MSI2: variants seen among roughly 807,000 people sequenced by gnomAD.
MSI2 encodes musashi RNA binding protein 2.
A neutral mutation model predicts 45.6 loss-of-function variants in MSI2; 17 were observed. The ratio of observed to expected loss-of-function variants is 0.37; its 90% CI spans 0.26 to 0.56. The LOEUF (loss-of-function observed/expected upper bound fraction) is 0.56, where lower values mean the gene tolerates loss of function less well. Ranked by LOEUF, MSI2 falls within the 20% of genes least tolerant of loss-of-function variation. The probability of loss-of-function intolerance (pLI) is 0.77; values close to 1 mark genes in which losing one functional copy is unlikely to be tolerated. For missense variants in MSI2, 293 were observed against 444.2 expected (o/e 0.66, Z 3.06); for synonymous variants, 156 against 158.2 (o/e 0.99, Z 0.11).
At chr17:57,465,597 T>C (rs879587352) in intron 6 of MSI2, among the ~76,000 whole-genome samples, 3 of 152,212 alleles carry the variant, frequency 2.0e-5, no homozygotes, top group African/African-American at 4.8e-5. Flanking sequence ...ATTATGCTAA[T>C]AGTTCTATGT....
At chr17:57,389,411 C>T (rs752442734) in intron 5 of MSI2, among the ~76,000 whole-genome samples, 10 of 152,172 alleles carry the variant, frequency 6.6e-5, no homozygotes, top group Non-Finnish European at 1.0e-4. Flanking sequence ...TCTTTTGGGA[C>T]CACTAACAGT....
intron 6 of MSI2, among the ~76,000 whole-genome samples, chr17:57,505,737 C>T (rs888515085): frequency 1.9e-4 from 29 of 151,262 alleles, no homozygotes; most frequent in Admixed American, 1.8e-3. Context: ...GGGGGTGCGG[C>T]GGGGGGTTGT....
intron 10 of MSI2, among the ~76,000 whole-genome samples, chr17:57,634,854 C>G (rs759432063): frequency 6.6e-6 from 1 of 152,220 alleles, no homozygotes; most frequent in African/African-American, 2.4e-5. Flanking sequence ...GAAGGCTGCT[C>G]AAACTCCAGC....
intron 7 of MSI2, among the ~76,000 whole-genome samples, chr17:57,568,460 C>T (rs1046010004): frequency 9.2e-5 from 14 of 152,162 alleles, no homozygotes; most frequent in African/African-American, 2.9e-4. Context: ...CAAAGACTCT[C>T]GTGCCTCTAG....
At chr17:57,287,088 A>G (rs1909964050) in intron 5 of MSI2, among the ~76,000 whole-genome samples, 1 of 150,556 alleles carries the variant, frequency 6.6e-6, no homozygotes, top group South Asian at 2.1e-4. Context: ...CTCCATATTT[A>G]TCATCTCTAT....
intron 5 of MSI2, among the ~76,000 whole-genome samples, chr17:57,352,382 A>T (rs1417846674): frequency 6.6e-6 from 1 of 152,068 alleles, no homozygotes; most frequent in Non-Finnish European, 1.5e-5. Context: ...TGAATAGAGG[A>T]CTCGATGTTT....
intron 5 of MSI2, chr17:57,265,680 A>G (rs570470974): frequency 1.7e-4 from 26 of 152,322 alleles, no homozygotes; most frequent in Admixed American, 8.5e-4. Flanking sequence ...TTAGTGAGGT[A>G]TATTTTGATC....
intron 5 of MSI2, chr17:57,268,242 C>T (rs1285358708): frequency 6.6e-6 from 1 of 152,202 alleles, no homozygotes; most frequent in Middle Eastern, 3.2e-3. Context: ...GAGAATATGA[C>T]AAAGTTCCTG....
intron 6 of MSI2, among the ~76,000 whole-genome samples, chr17:57,468,178 C>G (rs2085363808): frequency 6.6e-6 from 1 of 151,828 alleles, no homozygotes; most frequent in Non-Finnish European, 1.5e-5. Flanking sequence ...GAAAGAGTCT[C>G]TACTTAAGGG....
At chr17:57,263,697 T>G (rs533421826) in intron 5 of MSI2, 1 of 152,222 alleles carries the variant, frequency 6.6e-6, no homozygotes, top group African/African-American at 2.4e-5. Context: ...CTTCCTTAAC[T>G]TTGTTTTTAA....
At chr17:57,419,198 T>G (rs2084350309) in intron 6 of MSI2, among the ~76,000 whole-genome samples, 1 of 151,920 alleles carries the variant, frequency 6.6e-6, no homozygotes. Context: ...TTTTTTTTTT[T>G]TTAAATAGAG....
intron 11 of MSI2, 39 bp from the exon 12 acceptor site, chr17:57,674,933 G>C (rs777512346): frequency 6.2e-7 from 1 of 1,611,232 alleles, no homozygotes; most frequent in South Asian, 1.1e-5. Context: ...AATAGCTACA[G>C]TGCTCAACCG....
chr17:57,580,948 A>C (rs961673995), intron 7 of MSI2, among the ~76,000 whole-genome samples: 16 of 151,166 alleles, frequency 1.1e-4, no homozygotes. Flanking sequence ...GTGCAGGCAT[A>C]ACCAGAACTA....
At chr17:57,575,209 A>G (rs1598414166) in intron 7 of MSI2, among the ~76,000 whole-genome samples, 1 of 98,354 alleles carries the variant, frequency 1.0e-5, no homozygotes, top group South Asian at 3.4e-4. Context: ...CATCCCCTCC[A>G]CAAGCAGCCC....
chr17:57,512,277 T>C (rs1179332391), intron 6 of MSI2, among the ~76,000 whole-genome samples: 1 of 152,190 alleles, frequency 6.6e-6, no homozygotes, highest in Non-Finnish European at 1.5e-5. Context: ...ATTTTTTTTT[T>C]CAAATGAATG....
At chr17:57,377,918 A>G (rs1292204660) in intron 5 of MSI2, among the ~76,000 whole-genome samples, 1 of 152,062 alleles carries the variant, frequency 6.6e-6, no homozygotes, top group African/African-American at 2.4e-5. Context: ...TACTAAAAAT[A>G]CAAAAAATTA....
intron 6 of MSI2, among the ~76,000 whole-genome samples, chr17:57,485,407 A>G (rs1450942263): frequency 6.6e-6 from 1 of 152,200 alleles, no homozygotes; most frequent in Non-Finnish European, 1.5e-5. Flanking sequence ...CCTGTTGTTT[A>G]ATGTTTCTCA....
chr17:57,588,310 T>G (rs566190528), intron 7 of MSI2, among the ~76,000 whole-genome samples: 1 of 152,330 alleles, frequency 6.6e-6, no homozygotes, highest in Non-Finnish European at 1.5e-5. Context: ...CAGGTCAGCG[T>G]GCCTGCCCCT....
the MSI2 span, among the ~76,000 whole-genome samples, chr17:57,700,244 T>A: frequency 6.6e-6 from 1 of 152,224 alleles, no homozygotes; most frequent in Non-Finnish European, 1.5e-5. Context: ...TGCTTTTATG[T>A]GGGTTTAATC....
Sources: allele counts gnomAD v4.1 joint callset (sites outside exome capture counted in the v4.1 genomes callset), GRCh38; gene constraint gnomAD v4.1.1; transcripts MANE v1.5; gene names NCBI Gene and HGNC (gene_info 2026-07-23, HGNC 2026-07-21).